Variants in ANK2 observed in about 807,000 individuals in gnomAD.
ANK2 encodes ankyrin-2.
Under a neutral mutation model 360.5 loss-of-function variants are expected in ANK2, and 83 were observed. The ratio of observed to expected loss-of-function variants is 0.23; its 90% CI spans 0.19 to 0.28. The LOEUF (loss-of-function observed/expected upper bound fraction) is 0.28. ANK2 is among the 10% of genes least tolerant of loss of function. The pLI is 1.00. For synonymous variants in ANK2, 1,740 were observed against 1,759.5 expected, an observed-to-expected ratio of 0.99 and a Z score of 0.28; for missense variants, 4,201 against 4,795.7, an observed-to-expected ratio of 0.88 and a Z score of 3.66.
At chr4:113,222,391 A>ATTTTTTTTTTTTTTTTTTTTTTTTTT (rs397880062) in intron 4 of ANK2, among the ~76,000 whole-genome samples, 1 of 122,478 alleles carries the variant, frequency 8.2e-6, no homozygotes. Context: ...CTCTGAAACA[A>ATTTTTTTTTTTTTTTTTTTTTTTTTT]TTTTTTTTTT....
At chr4:112,733,876 G>A in the ANK2 span, among the ~76,000 whole-genome samples, 1 of 152,204 alleles carries the variant, frequency 6.6e-6, no homozygotes, top group Non-Finnish European at 1.5e-5. Context: ...CTGGGTTCAA[G>A]CAATTCTCCT....
intron 17 of ANK2, among the ~76,000 whole-genome samples, chr4:113,282,279 T>C (rs2062715994): frequency 6.6e-6 from 1 of 152,102 alleles, no homozygotes; most frequent in Non-Finnish European, 1.5e-5. Context: ...CCATCAGGAA[T>C]GGTTGAAGGA....
At chr4:113,312,169 TGCTGAG>T (rs200261694) in intron 24 of ANK2, among the ~76,000 whole-genome samples, 28,982 of 151,136 alleles carry the variant, frequency 0.19, 4,623 homozygotes, top group African/African-American at 0.45. Flanking sequence ...AGTGGCTGGG[TGCTGAG>T]ACCTGTAGTC....
intron 8 of ANK2, 105 bp from the exon 9 acceptor site, chr4:113,242,006 A>T: frequency 1.1e-6 from 1 of 878,698 alleles, no homozygotes; most frequent in East Asian, 2.5e-5. Context: ...CTGTGGATCA[A>T]ATTACCACGT....
intron 1 of ANK2, among the ~76,000 whole-genome samples, chr4:113,053,251 A>T (rs2067968605): frequency 6.6e-6 from 1 of 152,204 alleles, no homozygotes; most frequent in African/African-American, 2.4e-5. Flanking sequence ...GAACACAAAG[A>T]TACCTTTGGA....
the ANK2 span, among the ~76,000 whole-genome samples, chr4:112,716,435 G>C: frequency 6.6e-6 from 1 of 152,100 alleles, no homozygotes; most frequent in Non-Finnish European, 1.5e-5. Context: ...TATAATGTTA[G>C]TGTAAGTGCT....
chr4:113,022,623 C>T (rs770301310), intron 2 of ANK2, among the ~76,000 whole-genome samples: 12 of 152,162 alleles, frequency 7.9e-5, no homozygotes, highest in Non-Finnish European at 1.5e-4. Flanking sequence ...ATAATTGCTA[C>T]CTATTCTATT....
At chr4:112,733,259 T>A in the ANK2 span, among the ~76,000 whole-genome samples, 14 of 152,246 alleles carry the variant, frequency 9.2e-5, 1 homozygote, top group South Asian at 6.2e-4. Context: ...ATAACACTGT[T>A]ATTTATATCT....
intron 2 of ANK2, among the ~76,000 whole-genome samples, chr4:112,929,530 T>G (rs535304314): frequency 2.0e-5 from 3 of 152,358 alleles, no homozygotes; most frequent in African/African-American, 7.2e-5. Context: ...TGTGTTATTG[T>G]GTTCATGGGC....
chr4:112,840,922 G>C (rs2061955173), intron 1 of ANK2, among the ~76,000 whole-genome samples: 1 of 151,926 alleles, frequency 6.6e-6, no homozygotes, highest in African/African-American at 2.4e-5. Context: ...AAGTACAGTG[G>C]GGGTTTAAAC....
chr4:112,802,639 T>A, the ANK2 span, among the ~76,000 whole-genome samples: 1 of 150,360 alleles, frequency 6.7e-6, no homozygotes, highest in Non-Finnish European at 1.5e-5. Flanking sequence ...CTTACTTTTA[T>A]GAAAAAATTA....
intron 26 of ANK2, among the ~76,000 whole-genome samples, chr4:113,326,689 G>A (rs952231769): frequency 3.5e-4 from 53 of 151,932 alleles, no homozygotes; most frequent in Middle Eastern, 6.8e-3. Flanking sequence ...ATAAAAACAC[G>A]AAGGCTTGTT....
chr4:113,203,033 C>G (rs2098861330), intron 4 of ANK2, among the ~76,000 whole-genome samples: 2 of 152,134 alleles, frequency 1.3e-5, no homozygotes, highest in South Asian at 4.1e-4. Flanking sequence ...ACATGGAGGT[C>G]TCATCCATGG....
At chr4:113,104,112 G>C (rs749579956) in intron 1 of ANK2, among the ~76,000 whole-genome samples, 1 of 152,104 alleles carries the variant, frequency 6.6e-6, no homozygotes, top group East Asian at 1.9e-4. Context: ...GTTCTTTTCA[G>C]TGGTGAGGTA....
intron 2 of ANK2, among the ~76,000 whole-genome samples, chr4:112,921,721 GTGTTTAAA>G (rs1353672167): frequency 6.8e-6 from 1 of 148,132 alleles, no homozygotes; most frequent in Admixed American, 6.7e-5. Flanking sequence ...ATTTTTTCCT[GTGTTTAAA>G]TGTTTGTTAT....
chr4:112,870,403 A>G (rs1248086299), intron 1 of ANK2, among the ~76,000 whole-genome samples: 1 of 152,124 alleles, frequency 6.6e-6, no homozygotes, highest in Non-Finnish European at 1.5e-5. Flanking sequence ...AGTTATACCT[A>G]CGTTTTTGTT....
At position 113,354,001 on chromosome 4, in the gene ANK2, G is replaced by A. The variant is rs1403803525; in HGVS notation, c.5383G>A (p.Glu1795Lys). The change falls in exon 38 of 46, where the codon GAG (glutamate) becomes AAG (lysine). Residue 1795 changes from glutamate (E) to lysine (K), a missense_variant. Glu to Lys is a moderately conservative substitution (Grantham distance 56, BLOSUM62 1). Around this residue, in one of 4 missense-constraint regions of ANK2, gnomAD observed 2,642 missense variants for 2,714.5 expected, o/e 0.97. Coordinates refer to ENST00000357077, the MANE Select transcript of ANK2 (RefSeq NM_001148.6). ...GTTGCCCATCAGAGTCAAAGGCAAGGAGGACGTGCCAAAAAAGACCACCCA... is the reference window on the plus strand; with the variant it reads ...GTTGCCCATCAGAGTCAAAGGCAAGAAGGACGTGCCAAAAAAGACCACCCA... ...SKLPIRVKGK[E>K]DVPKKTTHRP... The A allele has an allele frequency of 3.7e-6, 6 of 1,614,074 alleles. No individual in the cohort carries two copies. The highest frequency in any genetic ancestry group is 1.3e-5 in the African/African-American group (1 of 75,024).
upstream of ANK2, among the ~76,000 whole-genome samples, chr4:113,046,304 T>A (rs985031385): frequency 6.6e-6 from 1 of 152,324 alleles, no homozygotes. Context: ...TTATACTGTA[T>A]AGCATTTGGG....
the ANK2 span, among the ~76,000 whole-genome samples, chr4:112,745,152 C>A: frequency 1.3e-5 from 2 of 152,186 alleles, no homozygotes; most frequent in South Asian, 2.1e-4. Context: ...GTTACTTCTT[C>A]CTTGACTAAT....
Sources: allele counts gnomAD v4.1 joint callset (sites outside exome capture counted in the v4.1 genomes callset), GRCh38; gene constraint gnomAD v4.1.1; regional missense constraint gnomAD v4.1.1; transcripts MANE v1.5; gene names NCBI Gene and HGNC (gene_info 2026-07-23, HGNC 2026-07-21).